Variants in PLET1 observed in about 807,000 individuals in gnomAD.
The protein encoded by PLET1 is placenta expressed transcript 1, also known as placenta-expressed transcript 1 protein.
A neutral mutation model predicts 18.5 loss-of-function variants in PLET1; 20 were observed. The observed-to-expected ratio is 1.08, with a 90% CI of 0.76 to 1.57. PLET1 has a LOEUF of 1.57. Ranked by LOEUF, PLET1 falls within the 40% of genes most tolerant of loss-of-function variation. PLET1 has a pLI of 0.00. For missense variants in PLET1, 256 were observed against 246.4 expected, an observed-to-expected ratio of 1.04 and a Z score of -0.26; for synonymous variants, 93 against 93.8, an observed-to-expected ratio of 0.99 and a Z score of 0.05.
rs1860282016 is a variant in PLET1 at position 112,260,822 on chromosome 11, G to A, written c.-233C>T. 3 of 515,210 alleles carry A rather than the reference G, an allele frequency of 5.8e-6. No individual in the cohort carries two copies. Among genetic ancestry groups the A allele is most frequent in the East Asian group, 6.2e-5 (2 of 32,486 alleles). The allele number at this position is 515,210 out of a possible 1,614,324, so 31.9% of individuals were successfully genotyped here. On this transcript the variant is annotated 5_prime_UTR_variant, in exon 1 of 4. Coordinates refer to ENST00000338832, the MANE Select transcript of PLET1 (RefSeq NM_001145024.1). ...CAAATTGCAGTTTTGCTCAAGAAAG[G>A]GAATGTCCTGAATATGGTTTTCTTT...
At chr11:112,252,818 A>C (rs1029827590) in intron 2 of PLET1, among the ~76,000 whole-genome samples, 2 of 152,194 alleles carry the variant, frequency 1.3e-5, no homozygotes, top group African/African-American at 2.4e-5. Flanking sequence ...ACTTGCTAGG[A>C]GCCTCTGTCC....
intron 2 of PLET1, among the ~76,000 whole-genome samples, chr11:112,253,145 C>T (rs778562813): frequency 3.3e-5 from 5 of 152,064 alleles, no homozygotes; most frequent in East Asian, 3.9e-4. Context: ...CTGTGATGTA[C>T]GCTGTGATGA....
In PLET1 at chr11:112,248,918, A is replaced by G. The variant is rs527281354; in HGVS notation, c.505T>C (p.Phe169Leu). ...CTGATACTCTTGGGTGTAATCATGA[A>G]GAAAGGCTTGAAGGCTGAGCTCTGG... ...IPQSSAFKPF[F>L]MITPKSIRLE... Residue 169 changes from phenylalanine to leucine, a missense_variant, in exon 4 of 4, where the codon TTC becomes CTC. Phe to Leu is a conservative substitution (Grantham distance 22). Coordinates refer to ENST00000338832, the MANE Select transcript of PLET1 (RefSeq NM_001145024.1). 6.4e-7 allele frequency: 1 copy of G among 1,551,400 alleles called. No homozygotes were observed. The highest frequency in any genetic ancestry group is 8.7e-7 in the Non-Finnish European group (1 of 1,146,992).
In PLET1 at chr11:112,260,536, G is replaced by A. The variant is rs1860277805; in HGVS notation, c.54C>T (p.Leu18=). 2 of 1,551,714 alleles carry A rather than the reference G, an allele frequency of 1.3e-6. No homozygotes were observed. Among genetic ancestry groups the A allele is most frequent in the East Asian group, 2.4e-5 (1 of 40,928 alleles). The change falls in exon 1 of 4, where the codon CTC becomes CTT. Residue 18 remains leucine, a synonymous_variant. Coordinates refer to ENST00000338832, the MANE Select transcript of PLET1 (RefSeq NM_001145024.1). ...AGGTGGCAGAAGAAAGCTGCAGACT[G>A]AGGCACAGAAACATCCCCAGTGGCT... ...LLQPLGMFLC[L]SLQLSSATFI...
chr11:112,248,829 A>C lies in PLET1; in HGVS notation c.594T>G (p.Leu198=). 1.3e-6 allele frequency: 2 copies of C among 1,551,640 alleles called. No homozygotes were observed. The highest frequency in any genetic ancestry group is 8.7e-7 in the Non-Finnish European group (1 of 1,146,994). The change falls in exon 4 of 4, where the codon CTT becomes CTG. Residue 198 remains leucine, a synonymous_variant. Coordinates refer to ENST00000338832, the MANE Select transcript of PLET1 (RefSeq NM_001145024.1). ...AGAGAAGTGTGCTGGTGAGAAAAGC[A>C]AGCAGGATATAAATGGCCTCTGTGA... ...SPITEAIYIL[L]AFLTSTLLF is the part of the protein sequence containing the mutation.
In PLET1 at chr11:112,255,387, C is replaced by CTGTA; in HGVS notation, c.383_386dup (p.Gln129HisfsTer103). ...CAAAGCAAAGCAAGCTAGGTTCTTA[C>CTGTA]TGTATCTCCACTTCAGTTATGTTCT... On this transcript the variant is annotated frameshift_variant and splice_region_variant. Coordinates refer to ENST00000338832, the MANE Select transcript of PLET1 (RefSeq NM_001145024.1). LOFTEE classifies it high-confidence loss of function. The CTGTA allele has an allele frequency of 1.3e-6, 2 of 1,552,120 alleles. No individual in the cohort carries two copies. The highest frequency in any genetic ancestry group is 1.7e-6 in the Non-Finnish European group (2 of 1,146,968).
chr11:112,253,810 C>T (rs2564871), intron 2 of PLET1, among the ~76,000 whole-genome samples: 107,240 of 152,006 alleles, frequency 0.71, 38,249 homozygotes, highest in South Asian at 0.81. Context: ...GTCATCATTA[C>T]CAGCTTCCAT....
At chr11:112,259,418 T>C (rs1860261975) in intron 1 of PLET1, among the ~76,000 whole-genome samples, 1 of 152,348 alleles carries the variant, frequency 6.6e-6, no homozygotes, top group Non-Finnish European at 1.5e-5. Context: ...AGTGTTATTA[T>C]TATGAAATGA....
chr11:112,252,264 T>C, intron 3 of PLET1, 84 bp downstream of exon 3: 9 of 1,264,090 alleles, frequency 7.1e-6, no homozygotes, highest in Non-Finnish European at 1.0e-5. Context: ...AAGAAGACCC[T>C]CTTTTCTAGG....
intron 2 of PLET1, among the ~76,000 whole-genome samples, chr11:112,252,803 C>A (rs992595457): frequency 6.6e-6 from 1 of 152,194 alleles, no homozygotes; most frequent in Non-Finnish European, 1.5e-5. Context: ...TGCTCTGTTG[C>A]ACTGACTTGC....
In PLET1 at chr11:112,248,410, T is replaced by G; in HGVS notation, c.*389A>C. 2 of 401,066 alleles carry G rather than the reference T, an allele frequency of 5.0e-6. No homozygotes were observed. Among genetic ancestry groups the G allele is most frequent in the Non-Finnish European group, 8.8e-6 (2 of 228,310 alleles). 24.8% of individuals were successfully genotyped at this position (401,066 alleles called of 1,614,324 possible). On this transcript the variant is annotated 3_prime_UTR_variant, in exon 4 of 4. Transcript: ENST00000338832. ...GGGTTTGGTTAGAAATCTGAGATCA[T>G]CTTGAAAGTAAGGAAGGATTCTTCC...
Position 112,255,431 on chromosome 11 carries a change from A to T in PLET1, c.343T>A (p.Trp115Arg). 6.4e-7 allele frequency: 1 copy of T among 1,552,340 alleles called. No homozygotes were observed. Among genetic ancestry groups the T allele is most frequent in the Non-Finnish European group, 8.7e-7 (1 of 1,147,108 alleles). Residue 115 changes from tryptophan to arginine, a missense_variant, in exon 2 of 4, where the codon TGG (tryptophan) becomes AGG (arginine). Transcript: ENST00000338832. Reference protein sequence around the residue: ...DQYMTVLEAQWQAPEPENITE... With the variant: ...DQYMTVLEAQRQAPEPENITE... ...ATGTTCTCAGGTTCAGGAGCTTGCC[A>T]CTGTGCCTCTAAGACCGTCATGTAT...
chr11:112,250,277 G>A (rs1860142123), intron 3 of PLET1, among the ~76,000 whole-genome samples: 1 of 134,850 alleles, frequency 7.4e-6, no homozygotes, highest in Non-Finnish European at 1.5e-5. Flanking sequence ...GGAAGCAGGA[G>A]CCTAGGAGAG....
At chr11:112,260,178 T>C in intron 1 of PLET1, 1 of 482,796 alleles carries the variant, frequency 2.1e-6, no homozygotes, top group Non-Finnish European at 3.6e-6. Flanking sequence ...GAATCTGGGG[T>C]TGGGGCTTTC....
chr11:112,248,619 G>T lies in PLET1; in HGVS notation c.*180C>A. On this transcript the variant is annotated 3_prime_UTR_variant, in exon 4 of 4. Transcript: ENST00000338832. ...GAAAGATCCAGATGAACATCTATGT[G>T]ACCCAAGCCTGCCAATGAGTGCCTC... is the stretch of plus-strand genomic sequence containing the variant. 1 of 644,948 alleles carries T rather than the reference G, an allele frequency of 1.6e-6. No individual in the cohort carries two copies. The highest frequency in any genetic ancestry group is 2.7e-6 in the Non-Finnish European group (1 of 377,180). The allele number at this position is 644,948 out of a possible 1,614,324, so 40.0% of individuals were successfully genotyped here.
At position 112,252,342 on chromosome 11, in the gene PLET1, A is replaced by T. The variant is rs761813461; in HGVS notation, c.448+6T>A. Reference sequence around the variant, plus strand: ...AGACTTGCAAATGGGCTGCAAAGGAACTCACGTTTTTCTCTTAGCTTCAGA... The same window carrying T: ...AGACTTGCAAATGGGCTGCAAAGGATCTCACGTTTTTCTCTTAGCTTCAGA... On this transcript the variant is annotated splice_donor_region_variant and intron_variant, in intron 3 of 3. Coordinates refer to ENST00000338832, the MANE Select transcript of PLET1 (RefSeq NM_001145024.1). 1 of 1,549,138 alleles carries T rather than the reference A, an allele frequency of 6.5e-7. No homozygotes were observed. The highest frequency in any genetic ancestry group is 2.4e-5 in the East Asian group (1 of 40,908).
chr11:112,251,589 T>C (rs867955536), intron 3 of PLET1, among the ~76,000 whole-genome samples: 1 of 151,936 alleles, frequency 6.6e-6, no homozygotes, highest in Admixed American at 6.6e-5. Flanking sequence ...AAAAGAAAAA[T>C]TAAATAGAGA....
Position 112,260,412 on chromosome 11 carries a change from A to G in PLET1, c.178T>C (p.Tyr60His). The change falls in exon 1 of 4, where the codon TAT (tyrosine) becomes CAT (histidine). Residue 60 changes from tyrosine (Y) to histidine (H), a missense_variant. Physicochemically the swap from Tyr to His is moderately conservative, Grantham distance 83 (BLOSUM62 2). Transcript: ENST00000338832. ...SSHIYESNAV[Y>H]SVFVPVNDSV... ...GAGCATGGCTTCTACTCACCAGAATAGACTGCATTGCTTTCGTAGATATGT... is the reference window on the plus strand; with the variant it reads ...GAGCATGGCTTCTACTCACCAGAATGGACTGCATTGCTTTCGTAGATATGT... 1 of 1,551,292 alleles carries G rather than the reference A, an allele frequency of 6.4e-7. No individual in the cohort carries two copies. Among genetic ancestry groups the G allele is most frequent in the Non-Finnish European group, 8.7e-7 (1 of 1,146,604 alleles).
At chr11:112,256,478 C>T (rs1860225276) in intron 1 of PLET1, among the ~76,000 whole-genome samples, 1 of 152,126 alleles carries the variant, frequency 6.6e-6, no homozygotes, top group Non-Finnish European at 1.5e-5. Context: ...CCTCGGTTTC[C>T]TTATTGTTCA....
Sources: allele counts gnomAD v4.1 joint callset (sites outside exome capture counted in the v4.1 genomes callset), GRCh38; gene constraint gnomAD v4.1.1; transcripts MANE v1.5; gene names NCBI Gene and HGNC (gene_info 2026-07-23, HGNC 2026-07-21).